Variants in NPC1 observed in about 807,000 individuals in gnomAD.
NPC1 encodes the protein NPC intracellular cholesterol transporter 1.
A neutral mutation model predicts 140.4 loss-of-function variants in NPC1; 85 were observed. That is an observed-to-expected ratio of 0.61 (90% CI 0.51 to 0.72). The LOEUF (loss-of-function observed/expected upper bound fraction) is 0.72. Among genes scored for constraint, NPC1 ranks in the 30% least tolerant of loss-of-function variants. NPC1 has a pLI of 0.00. For synonymous variants in NPC1, 656 were observed against 624.8 expected, an observed-to-expected ratio of 1.05 and a Z score of -0.74; for missense variants, 1,504 against 1,623.8, an observed-to-expected ratio of 0.93 and a Z score of 1.27.
rs199812609 is a variant in NPC1 at position 23,554,831 on chromosome 18, C to G, written c.1480G>C (p.Val494Leu). 6.2e-7 allele frequency: 1 copy of G among 1,614,128 alleles called. No individual in the cohort carries two copies. Among genetic ancestry groups the G allele is most frequent in the Non-Finnish European group, 8.5e-7 (1 of 1,180,036 alleles). Residue 494 changes from valine (V) to leucine (L), a missense_variant, in exon 9 of 25, where the codon GTG (valine) becomes CTG (leucine). Coordinates refer to ENST00000269228, the MANE Select transcript of NPC1 (RefSeq NM_000271.5). ...TCGTCCCCTTTCTTGTGGTCCAGCA[C>G]GGAATGGCTGTTCTGGAAGTAATTT... ...VLNYFQNSHS[V>L]LDHKKGDDFF...
downstream of NPC1, chr18:23,529,386 T>G: frequency 6.7e-7 from 1 of 1,501,550 alleles, no homozygotes; most frequent in Non-Finnish European, 8.8e-7. Flanking sequence ...GTGATTAGAG[T>G]CACTTGAAGT....
chr18:23,541,105 G>A lies in NPC1; in HGVS notation c.2477C>T (p.Ser826Phe). ...CATCCAGTCCTTTAGCAGAAGTGGA[G>A]AATAGGAGTTTTTGAAGAAGCGAAA... is the stretch of plus-strand genomic sequence containing the variant. ...CLFRFFKNSY[S>F]PLLLKDWMRP... The change falls in exon 16 of 25, where the codon TCT becomes TTT. Residue 826 changes from serine to phenylalanine, a missense_variant. Physicochemically the swap from Ser to Phe is radical, Grantham distance 155. Coordinates refer to ENST00000269228, the MANE Select transcript of NPC1 (RefSeq NM_000271.5). 1 of 1,614,222 alleles carries A rather than the reference G, an allele frequency of 6.2e-7. No individual in the cohort carries two copies. The highest frequency in any genetic ancestry group is 8.5e-7 in the Non-Finnish European group (1 of 1,180,036).
rs997025333 is a variant in NPC1, at chr18:23,531,771, TAAACTATA to T, written c.*423_*430del. On this transcript the variant is annotated 3_prime_UTR_variant, in exon 25 of 25. Transcript: ENST00000269228. The stretch of plus-strand genomic sequence containing the variant: ...AATTTATTGCATTAATAAAGCTCTT[TAAACTATA>T]AAATGTTATAAAGTGTATCTACAAC... 1 of 1,574,842 alleles carries T rather than the reference TAAACTATA, an allele frequency of 6.3e-7. No individual in the cohort carries two copies. The highest frequency in any genetic ancestry group is 1.4e-5 in the African/African-American group (1 of 72,718).
intron 19 of NPC1, chr18:23,539,010 A>G (rs1288603824): frequency 6.7e-6 from 3 of 446,626 alleles, no homozygotes; most frequent in Non-Finnish European, 1.2e-5. Flanking sequence ...CTCCTACAAA[A>G]CCACAGGGTA....
Position 23,531,996 on chromosome 18 carries a change from C to G in NPC1, c.*206G>C, listed in dbSNP as rs1023873095. 7.5e-6 allele frequency: 11 copies of G among 1,475,990 alleles called. No individual in the cohort carries two copies. The African/African-American group carries it at 1.6e-4, about 21-fold the overall frequency. The allele number at this position is 1,475,990 out of a possible 1,614,324, so 91.4% of individuals were successfully genotyped here. On this transcript the variant is annotated 3_prime_UTR_variant, in exon 25 of 25. Transcript: ENST00000269228. ...AAGAGGCTGGGAGAAGTTTAGTGTC[C>G]TGTGGTTGCCTCCAGATCTAGTAAT...
intron 11 of NPC1, 50 bp downstream of exon 11, chr18:23,547,956 T>TA: frequency 9.3e-7 from 1 of 1,073,056 alleles, no homozygotes; most frequent in Non-Finnish European, 1.5e-6. Context: ...CGCAAGTGTC[T>TA]AGCTTCCCAC....
chr18:23,513,976 T>C (rs1204785757), intron 3 of NPC1, among the ~76,000 whole-genome samples: 3 of 152,252 alleles, frequency 2.0e-5, no homozygotes, highest in Non-Finnish European at 2.9e-5. Context: ...GGAGGTTGCC[T>C]TTCCACTCTG....
intron 1 of NPC1, among the ~76,000 whole-genome samples, chr18:23,578,846 C>T (rs995798262): frequency 6.6e-6 from 1 of 152,222 alleles, no homozygotes; most frequent in Non-Finnish European, 1.5e-5. Flanking sequence ...AGGCACCTTT[C>T]GAACCCACCT....
At chr18:23,534,099 G>C in intron 23 of NPC1, 1 of 457,660 alleles carries the variant, frequency 2.2e-6, no homozygotes, top group South Asian at 2.1e-5. Flanking sequence ...CCAGGGTGTA[G>C]AGTTGAACCA....
At chr18:23,539,770 T>G (rs757863894) in intron 18 of NPC1, 41 bp downstream of exon 18, 10 of 1,600,358 alleles carry the variant, frequency 6.2e-6, no homozygotes, top group African/African-American at 1.3e-5. Flanking sequence ...GCTGAGAGCC[T>G]CCTCCGCTGC....
chr18:23,514,959 T>G lies in NPC1; in HGVS notation c.432-8317A>C, dbSNP rs77411695. The stretch of plus-strand genomic sequence containing the variant: ...CGGAATATTTAGGGTACATTGAAAA[T>G]GTGCCTGGATTATAAAGTACTGCAT... On this transcript the variant is annotated intron_variant, in intron 3 of 3. Transcript: ENST00000591107. Among the ~76,000 whole-genome samples the G allele has an allele frequency of 3.4e-3, 518 of 152,162 alleles. 4 individuals carry two copies. The highest frequency in any genetic ancestry group is 0.012 in the African/African-American group (500 of 41,512).
chr18:23,565,706 A>G (rs1156616054), intron 4 of NPC1, among the ~76,000 whole-genome samples: 1 of 152,118 alleles, frequency 6.6e-6, no homozygotes, highest in Non-Finnish European at 1.5e-5. Context: ...TATTTCCCAT[A>G]CTAAAGTAAA....
chr18:23,526,905 G>A, downstream of NPC1: 1 of 1,136,980 alleles, frequency 8.8e-7, no homozygotes, highest in South Asian at 1.6e-5. Context: ...GTGGCTATGT[G>A]ACCCCCTAGG....
At chr18:23,575,190 A>G (rs1441204934) in intron 1 of NPC1, among the ~76,000 whole-genome samples, 1 of 152,258 alleles carries the variant, frequency 6.6e-6, no homozygotes, top group Non-Finnish European at 1.5e-5. Flanking sequence ...CCTGACAAAC[A>G]GGACGGGTGT....
intron 1 of NPC1, among the ~76,000 whole-genome samples, chr18:23,574,446 A>T (rs923530145): frequency 2.1e-5 from 3 of 139,600 alleles, no homozygotes; most frequent in Non-Finnish European, 4.5e-5. Flanking sequence ...GGAAAGCCAT[A>T]AAAAAAAAAC....
downstream of NPC1, chr18:23,529,296 A>G: frequency 6.2e-7 from 1 of 1,608,860 alleles, no homozygotes; most frequent in Non-Finnish European, 8.5e-7. Context: ...TGTGGAAAAG[A>G]AGGTGGGCTG....
Position 23,531,441 on chromosome 18 carries a change from ATC to A in NPC1, c.*759_*760del. On this transcript the variant is annotated 3_prime_UTR_variant, in exon 25 of 25. Transcript: ENST00000269228. ...TTACCATAAGGACAGGTTAGATAGA[ATC>A]TCTTCCATTTAGCTTTTGTATTTGT... 3 of 1,263,016 alleles carry A rather than the reference ATC, an allele frequency of 2.4e-6. No homozygotes were observed. Among genetic ancestry groups the A allele is most frequent in the Non-Finnish European group, 3.2e-6 (3 of 951,818 alleles). 78.2% of individuals were successfully genotyped at this position (1,263,016 alleles called of 1,614,324 possible). A position where few individuals can be genotyped will look rare whatever the true frequency, so the allele number is the denominator to read the frequency against.
chr18:23,558,447 G>A (rs1046105705), intron 6 of NPC1, among the ~76,000 whole-genome samples: 1 of 152,036 alleles, frequency 6.6e-6, no homozygotes, highest in Non-Finnish European at 1.5e-5. Context: ...ATCTCATCAT[G>A]AGAAAATACC....
At position 23,545,001 on chromosome 18, in the gene NPC1, A is replaced by C. The variant is rs746591256; in HGVS notation, c.1906T>G (p.Ser636Ala). 2 of 1,503,082 alleles carry C rather than the reference A, an allele frequency of 1.3e-6. No individual in the cohort carries two copies. Among genetic ancestry groups the C allele is most frequent in the South Asian group, 1.1e-5 (1 of 89,366 alleles). The allele number at this position is 1,503,082 out of a possible 1,614,324, so 93.1% of individuals were successfully genotyped here. The change falls in exon 12 of 25, where the codon TCC (serine) becomes GCC (alanine). Residue 636 changes from serine to alanine, a missense_variant. Transcript: ENST00000269228. ...ISYAIMFLYISLALGHMKSCR... is the reference protein window; with the variant it reads ...ISYAIMFLYIALALGHMKSCR... ...CTTTTCATGTGCCCCAAGGCTAGGG[A>C]AATATATAGAAACATGATGGCATAG...
Sources: gnomAD v4.1 joint callset for allele counts (sites outside exome capture counted in the v4.1 genomes callset) on GRCh38, gnomAD v4.1.1 for gene constraint, MANE v1.5 for transcripts, NCBI Gene and HGNC (gene_info 2026-07-23, HGNC 2026-07-21) for gene names.